PARP8: variants seen among roughly 807,000 people sequenced by gnomAD.
PARP8 encodes protein mono-ADP-ribosyltransferase PARP8.
PARP8 carries 51 observed loss-of-function variants against 124.1 expected under a neutral mutation model. The ratio of observed to expected loss-of-function variants is 0.41; its 90% CI spans 0.33 to 0.52. The LOEUF is 0.52. PARP8 is among the 20% of genes least tolerant of loss of function. The pLI is 0.21. For synonymous variants in PARP8, 391 were observed against 361.5 expected, an observed-to-expected ratio of 1.08 and a Z score of -0.93; for missense variants, 860 against 1,018.9, an observed-to-expected ratio of 0.84 and a Z score of 2.12.
At chr5:50,736,764 A>C (rs750416099) in intron 2 of PARP8, among the ~76,000 whole-genome samples, 28 of 152,256 alleles carry the variant, frequency 1.8e-4, no homozygotes, top group African/African-American at 6.7e-4. Flanking sequence ...AGGTTTTTAC[A>C]GTTTTTCCTT....
chr5:50,744,104 T>C (rs1280871478), intron 2 of PARP8, among the ~76,000 whole-genome samples: 1 of 152,238 alleles, frequency 6.6e-6, no homozygotes, highest in Non-Finnish European at 1.5e-5. Flanking sequence ...GGGCCCTGCT[T>C]GTAAAATCAG....
chr5:50,802,421 C>T (rs1743332102), intron 14 of PARP8, among the ~76,000 whole-genome samples: 1 of 152,122 alleles, frequency 6.6e-6, no homozygotes. Context: ...CTTAAGTGAT[C>T]TTCCTGCTTG....
At chr5:50,776,163 T>G (rs1580303458) in intron 7 of PARP8, among the ~76,000 whole-genome samples, 2 of 152,346 alleles carry the variant, frequency 1.3e-5, no homozygotes, top group Middle Eastern at 6.8e-3. Flanking sequence ...TTCTTCATGA[T>G]TCTGTTAATG....
intron 9 of PARP8, among the ~76,000 whole-genome samples, chr5:50,784,772 G>T (rs1741059770): frequency 6.6e-6 from 1 of 151,712 alleles, no homozygotes; most frequent in Non-Finnish European, 1.5e-5. Flanking sequence ...TGTTGTTGTT[G>T]TTTTTTGTTT....
intron 2 of PARP8, among the ~76,000 whole-genome samples, chr5:50,746,888 A>T (rs1225596085): frequency 6.6e-6 from 1 of 152,072 alleles, no homozygotes; most frequent in Non-Finnish European, 1.5e-5. Context: ...AATTAGCTGT[A>T]TGTGGTGGTG....
In PARP8 at chr5:50,754,116, C is replaced by CATATATATATATATAT. The variant is rs373375463; in HGVS notation, c.184+3948_184+3963dup. On this transcript the variant is annotated intron_variant, in intron 3 of 25. Coordinates refer to ENST00000281631, the MANE Select transcript of PARP8 (RefSeq NM_024615.4). ...GAAGGAATTTGAGTTTGAAAACATTCATATATATATATATATATATATATA... is the reference window on the plus strand; with the variant it reads ...GAAGGAATTTGAGTTTGAAAACATTCATATATATATATATATATATATATATATATATATATATATA... Among the ~76,000 whole-genome samples the CATATATATATATATAT allele has an allele frequency of 2.6e-3, 170 of 64,540 alleles. 1 individual carries two copies. The highest frequency in any genetic ancestry group is 3.9e-3 in the South Asian group (6 of 1,540). 42.3% of individuals were successfully genotyped at this position (64,540 alleles called of 152,430 possible).
chr5:50,809,313 A>G (rs1744187996), intron 14 of PARP8, among the ~76,000 whole-genome samples: 1 of 152,136 alleles, frequency 6.6e-6, no homozygotes, highest in Admixed American at 6.6e-5. Flanking sequence ...GAAGATATTC[A>G]TATAATTATT....
chr5:50,667,489 A>G (rs1303033604), intron 1 of PARP8: 5 of 698,556 alleles, frequency 7.2e-6, no homozygotes, highest in Non-Finnish European at 1.0e-5. Flanking sequence ...TAGTGCCCGA[A>G]GCCTCCAAGC....
At chr5:50,723,786 T>A (rs916583243) in intron 2 of PARP8, among the ~76,000 whole-genome samples, 1 of 152,116 alleles carries the variant, frequency 6.6e-6, no homozygotes, top group Non-Finnish European at 1.5e-5. Flanking sequence ...TTATTAGATT[T>A]AAAAAATATT....
rs937235439 is a variant in PARP8 at position 50,846,287 on chromosome 5, T to C, written c.*4219T>C. 8 of 151,778 alleles carry C rather than the reference T, an allele frequency of 5.3e-5. No individual in the cohort carries two copies. Among genetic ancestry groups the C allele is most frequent in the Non-Finnish European group, 7.4e-5 (5 of 67,778 alleles). 9.4% of individuals were successfully genotyped at this position (151,778 alleles called of 1,614,324 possible). A position where few individuals can be genotyped will look rare whatever the true frequency, so the allele number is the denominator to read the frequency against. On this transcript the variant is annotated 3_prime_UTR_variant, in exon 26 of 26. Transcript: ENST00000281631. The stretch of plus-strand genomic sequence containing the variant: ...CTTGATTTTTGTGCACAGGATAGTA[T>C]TGCAACCTGCTATTTAGCCTTTGGT...
intron 2 of PARP8, among the ~76,000 whole-genome samples, chr5:50,691,532 G>A (rs527613470): frequency 2.6e-5 from 4 of 152,294 alleles, no homozygotes; most frequent in South Asian, 4.1e-4. Flanking sequence ...AAATGACAGT[G>A]TAATTTAATG....
intron 7 of PARP8, among the ~76,000 whole-genome samples, chr5:50,764,404 A>G (rs142674957): frequency 2.4e-4 from 36 of 152,358 alleles, no homozygotes; most frequent in African/African-American, 8.2e-4. Flanking sequence ...AACTTCTTCA[A>G]TGGACATATG....
In PARP8 at chr5:50,791,294, TACA is replaced by T. The variant is rs1332103398; in HGVS notation, c.737+2711_737+2713del. On this transcript the variant is annotated intron_variant, in intron 10 of 25. Transcript: ENST00000281631. ...AACATATAATAAGACATTTAATCTT[TACA>T]ACAACTCTATGAAACAGGCCTTGTT... Among the ~76,000 whole-genome samples the T allele has an allele frequency of 4.6e-5, 7 of 152,304 alleles. No individual in the cohort carries two copies. In the South Asian group the frequency reaches 8.3e-4, roughly 18 times the overall value.
At chr5:50,667,842 G>T in intron 1 of PARP8, 1 of 1,297,446 alleles carries the variant, frequency 7.7e-7, no homozygotes, top group Non-Finnish European at 1.1e-6. Flanking sequence ...AATTCCCGCT[G>T]TTGCCATGGC....
chr5:50,824,982 A>G lies in PARP8; in HGVS notation c.1928+7A>G. On this transcript the variant is annotated splice_region_variant and intron_variant, in intron 18 of 25. Transcript: ENST00000281631. ...CTCATCCCTTACTGCAATGGTATAA[A>G]ATTCTAGTTTTCCTCTTAATGAAAA... The G allele has an allele frequency of 6.2e-7, 1 of 1,605,512 alleles. No individual in the cohort carries two copies. Among genetic ancestry groups the G allele is most frequent in the Non-Finnish European group, 8.5e-7 (1 of 1,173,450 alleles).
intron 3 of PARP8, among the ~76,000 whole-genome samples, chr5:50,756,252 C>T (rs1490392353): frequency 2.6e-5 from 4 of 152,074 alleles, no homozygotes; most frequent in Non-Finnish European, 5.9e-5. Context: ...GCATCCCTGT[C>T]TTGTGCCAGT....
intron 2 of PARP8, among the ~76,000 whole-genome samples, chr5:50,692,485 AG>A (rs1752596971): frequency 6.6e-6 from 1 of 152,044 alleles, no homozygotes; most frequent in Non-Finnish European, 1.5e-5. Context: ...CTTTAAAGGC[AG>A]AAAGAAGCTT....
rs765931598 is a variant in PARP8, at chr5:50,769,240, AT to A, written c.518+6001del. On this transcript the variant is annotated intron_variant, in intron 7 of 25. Transcript: ENST00000281631. ...TTCTGTTGAAGTAATCTGAAAAACT[AT>A]TTATGGGGAAAACAGTTGTAGATAA... Among the ~76,000 whole-genome samples, 15 of 152,064 alleles carry A rather than the reference AT, an allele frequency of 9.9e-5. No homozygotes were observed. In the South Asian group the frequency reaches 3.1e-3, roughly 32 times the overall value.
At chr5:50,779,044 G>T (rs776704326) in intron 9 of PARP8, among the ~76,000 whole-genome samples, 8 of 152,052 alleles carry the variant, frequency 5.3e-5, no homozygotes, top group Admixed American at 1.3e-4. Context: ...GATTATAATA[G>T]TGTATTTGTT....
Sources: allele counts gnomAD v4.1 joint callset (sites outside exome capture counted in the v4.1 genomes callset), GRCh38; gene constraint gnomAD v4.1.1; transcripts MANE v1.5; gene names NCBI Gene and HGNC (gene_info 2026-07-23, HGNC 2026-07-21).